PKNOX2: variants seen among roughly 807,000 people sequenced by gnomAD.
The protein encoded by PKNOX2 is homeobox protein PKNOX2.
In PKNOX2, 14 loss-of-function variants were observed where a neutral mutation model predicts 53.1. The ratio of observed to expected loss-of-function variants is 0.26; its 90% CI spans 0.17 to 0.41. The LOEUF (loss-of-function observed/expected upper bound fraction) is 0.41, where lower values mean the gene tolerates loss of function less well. Ranked by LOEUF, PKNOX2 falls within the 10% of genes least tolerant of loss-of-function variation. PKNOX2 has a pLI of 1.00. For synonymous variants in PKNOX2, 257 were observed against 242.8 expected, an observed-to-expected ratio of 1.06 and a Z score of -0.54; for missense variants, 496 against 602.8, an observed-to-expected ratio of 0.82 and a Z score of 1.85.
chr11:125,199,319 C>T (rs911343205), intron 1 of PKNOX2, among the ~76,000 whole-genome samples: 5 of 152,168 alleles, frequency 3.3e-5, no homozygotes, highest in African/African-American at 1.2e-4. Context: ...AGAACGGCTG[C>T]TCCCACCATT....
intron 2 of PKNOX2, among the ~76,000 whole-genome samples, chr11:125,277,325 C>CATGG (rs758550893): frequency 1.6e-4 from 24 of 152,182 alleles, no homozygotes; most frequent in Admixed American, 2.6e-4. Context: ...AGGTCATCTT[C>CATGG]ATGGATTTTG....
intron 1 of PKNOX2, among the ~76,000 whole-genome samples, chr11:125,172,257 GT>G (rs1565460827): frequency 6.6e-6 from 1 of 152,206 alleles, no homozygotes; most frequent in Admixed American, 6.5e-5. Flanking sequence ...TTTGGGTCCA[GT>G]TTCCCTTACA....
intron 1 of PKNOX2, among the ~76,000 whole-genome samples, chr11:125,227,778 C>T (rs182228234): frequency 9.3e-4 from 141 of 152,304 alleles, no homozygotes; most frequent in African/African-American, 3.2e-3. Flanking sequence ...TTTAAGGTGT[C>T]TTAATTATTT....
At chr11:125,174,906 T>C (rs1453871662) in intron 1 of PKNOX2, among the ~76,000 whole-genome samples, 1 of 152,104 alleles carries the variant, frequency 6.6e-6, no homozygotes, top group Non-Finnish European at 1.5e-5. Flanking sequence ...GGTTTCATAG[T>C]AGGGCAGCGG....
intron 2 of PKNOX2, among the ~76,000 whole-genome samples, chr11:125,248,712 T>C (rs1039884380): frequency 4.0e-5 from 6 of 148,378 alleles, no homozygotes; most frequent in Non-Finnish European, 7.4e-5. Context: ...ATATAACACA[T>C]TTATATTATA....
At chr11:125,235,832 C>CTCTCCAGCG (rs1223406204) in intron 2 of PKNOX2, among the ~76,000 whole-genome samples, 4 of 152,322 alleles carry the variant, frequency 2.6e-5, no homozygotes, top group Admixed American at 6.5e-5. Flanking sequence ...AACCATAACC[C>CTCTCCAGCG]TCTCCAGCAA....
rs1565462530 is a variant in PKNOX2 at position 125,178,681 on chromosome 11, AGAG to A, written c.-201+13906_-201+13908del. On this transcript the variant is annotated intron_variant, in intron 1 of 12. Coordinates refer to ENST00000298282, the MANE Select transcript of PKNOX2 (RefSeq NM_001382323.2). Reference sequence around the variant, plus strand: ...AGGAAGGAAGGAAGGAAAGAAAGAGAGAGAGAGAGAGAGAGAGAAAGAAAGAAA... The same window carrying A: ...AGGAAGGAAGGAAGGAAAGAAAGAGAAGAGAGAGAGAGAGAAAGAAAGAAA... Among the ~76,000 whole-genome samples the A allele has an allele frequency of 9.0e-3, 537 of 59,968 alleles. 57 individuals carry two copies. The highest frequency in any genetic ancestry group is 0.042 in the African/African-American group (515 of 12,132). The allele number at this position is 59,968 out of a possible 152,430, so 39.3% of individuals were successfully genotyped here. A position where few individuals can be genotyped will look rare whatever the true frequency, so the allele number is the denominator to read the frequency against.
intron 1 of PKNOX2, among the ~76,000 whole-genome samples, chr11:125,190,265 A>G (rs976493194): frequency 6.6e-6 from 1 of 152,158 alleles, no homozygotes; most frequent in African/African-American, 2.4e-5. Flanking sequence ...TGGGCAATAA[A>G]TTAAATGGTG....
intron 2 of PKNOX2, among the ~76,000 whole-genome samples, chr11:125,292,201 C>G (rs1947350936): frequency 6.6e-6 from 1 of 152,254 alleles, no homozygotes; most frequent in Non-Finnish European, 1.5e-5. Flanking sequence ...TAGGTCGTCT[C>G]TCAGCATTGA....
intron 3 of PKNOX2, among the ~76,000 whole-genome samples, chr11:125,347,390 C>T (rs535747805): frequency 4.6e-5 from 7 of 152,332 alleles, no homozygotes; most frequent in Non-Finnish European, 7.3e-5. Flanking sequence ...CCCCTTTGTG[C>T]CCCAGGCCAT....
chr11:125,368,857 A>G (rs980395941), intron 5 of PKNOX2, among the ~76,000 whole-genome samples: 1 of 152,198 alleles, frequency 6.6e-6, no homozygotes, highest in African/African-American at 2.4e-5. Flanking sequence ...TTAACCACTA[A>G]GAAGAGGTGC....
chr11:125,377,496 T>C (rs1286317577), intron 5 of PKNOX2, among the ~76,000 whole-genome samples: 1 of 152,088 alleles, frequency 6.6e-6, no homozygotes, highest in Non-Finnish European at 1.5e-5. Flanking sequence ...AAGAAAGTCA[T>C]GGGCACACGA....
intron 3 of PKNOX2, among the ~76,000 whole-genome samples, chr11:125,340,980 G>T (rs540303956): frequency 5.4e-5 from 8 of 148,592 alleles, no homozygotes; most frequent in Admixed American, 1.4e-4. Context: ...AACCCGGAAG[G>T]CAGAGGTTGC....
intron 4 of PKNOX2, among the ~76,000 whole-genome samples, chr11:125,360,038 C>CG (rs1256030073): frequency 3.3e-5 from 5 of 151,360 alleles, no homozygotes; most frequent in Non-Finnish European, 7.4e-5. Context: ...CCCAGCTATA[C>CG]GGGAGGCTGA....
intron 1 of PKNOX2, among the ~76,000 whole-genome samples, chr11:125,182,797 G>A (rs1358259682): frequency 2.0e-5 from 3 of 152,196 alleles, no homozygotes; most frequent in Non-Finnish European, 4.4e-5. Flanking sequence ...GCCTGGGGAA[G>A]GACCCTTGGA....
rs961029788 is a variant in PKNOX2, at chr11:125,352,241, A to G, written c.87+849A>G. Among the ~76,000 whole-genome samples, 5 of 152,196 alleles carry G rather than the reference A, an allele frequency of 3.3e-5. No individual in the cohort carries two copies. The highest frequency in any genetic ancestry group is 7.3e-5 in the Non-Finnish European group (5 of 68,032). ...TGTCTGTGCTTTCACAGAAGCCTTC[A>G]TTCTCTGACCCTTCCCTTCACACTC... On this transcript the variant is annotated intron_variant, in intron 4 of 12. Coordinates refer to ENST00000298282, the MANE Select transcript of PKNOX2 (RefSeq NM_001382323.2). The surrounding 1 kb of genome is among the most constrained non-coding windows in gnomAD (Gnocchi z 4.1).
rs112802932 is a variant in PKNOX2, at chr11:125,194,577, G to A, written c.-201+29801G>A. Among the ~76,000 whole-genome samples, 1,214 of 152,148 alleles carry A rather than the reference G, an allele frequency of 8.0e-3. 7 individuals are homozygous for A. Among genetic ancestry groups the A allele is most frequent in the Non-Finnish European group, 0.012 (807 of 68,002 alleles). On this transcript the variant is annotated intron_variant, in intron 1 of 12. Coordinates refer to ENST00000298282, the MANE Select transcript of PKNOX2 (RefSeq NM_001382323.2). ...TTGGGATCACACTGGCTGACAGAGA[G>A]GGGCACTCAGCCTCTCCTGGGGTTT...
intron 5 of PKNOX2, among the ~76,000 whole-genome samples, chr11:125,382,916 C>T (rs549284175): frequency 6.6e-6 from 1 of 152,282 alleles, no homozygotes; most frequent in Non-Finnish European, 1.5e-5. Context: ...AGCAAATAGG[C>T]CACCCTTAAA....
chr11:125,369,923 A>T (rs556350671), intron 5 of PKNOX2, among the ~76,000 whole-genome samples: 304 of 152,226 alleles, frequency 2.0e-3, no homozygotes, highest in Admixed American at 5.9e-3. Flanking sequence ...GCATCGTATC[A>T]CCTGGGAGCA....
Sources: gnomAD v4.1 joint callset for allele counts (sites outside exome capture counted in the v4.1 genomes callset) on GRCh38, gnomAD v4.1.1 for gene constraint, Gnocchi (gnomAD v3.1) non-coding constraint, MANE v1.5 for transcripts, NCBI Gene and HGNC (gene_info 2026-07-23, HGNC 2026-07-21) for gene names.